Variants in STAU1 observed in about 807,000 individuals in gnomAD.
STAU1 encodes the protein staufen double-stranded RNA binding protein 1, also known as double-stranded RNA-binding protein Staufen homolog 1.
A neutral mutation model predicts 62.9 loss-of-function variants in STAU1; 13 were observed. The observed-to-expected ratio is 0.21, with a 90% CI of 0.13 to 0.33. STAU1 has a LOEUF of 0.33. Among genes scored for constraint, STAU1 ranks in the 10% least tolerant of loss-of-function variants. The probability of loss-of-function intolerance (pLI) is 1.00; values close to 1 mark genes in which losing one functional copy is unlikely to be tolerated. For synonymous variants in STAU1, 269 were observed against 265.1 expected, an observed-to-expected ratio of 1.01 and a Z score of -0.14; for missense variants, 571 against 712.1, an observed-to-expected ratio of 0.80 and a Z score of 2.25.
chr20:49,217,678 T>TAC, the STAU1 span, among the ~76,000 whole-genome samples: 1 of 143,388 alleles, frequency 7.0e-6, no homozygotes, highest in Admixed American at 7.1e-5. Context: ...CCTTTTAAAA[T>TAC]ATATATATAT....
the STAU1 span, among the ~76,000 whole-genome samples, chr20:49,196,879 G>C: frequency 1.3e-5 from 2 of 149,244 alleles, no homozygotes; most frequent in Admixed American, 6.7e-5. Context: ...TCAATGGTTC[G>C]GACGTGGTGG....
intron 8 of STAU1, among the ~76,000 whole-genome samples, chr20:49,121,244 T>C (rs1406213110): frequency 6.6e-6 from 1 of 151,962 alleles, no homozygotes; most frequent in East Asian, 1.9e-4. Flanking sequence ...CCATCTCTAC[T>C]AAAAATACAA....
At chr20:49,140,878 C>A (rs2092991536) in intron 5 of STAU1, among the ~76,000 whole-genome samples, 2 of 151,792 alleles carry the variant, frequency 1.3e-5, no homozygotes, top group Admixed American at 1.3e-4. Context: ...AACACAGTAA[C>A]TTGTGCTAAC....
chr20:49,205,849 T>G, the STAU1 span, among the ~76,000 whole-genome samples: 2 of 150,534 alleles, frequency 1.3e-5, no homozygotes, highest in African/African-American at 4.9e-5. Context: ...TAATTTTGTA[T>G]TTTTAGTAGA....
intron 3 of STAU1, among the ~76,000 whole-genome samples, chr20:49,161,926 G>A (rs1194183612): frequency 2.0e-5 from 3 of 152,116 alleles, no homozygotes; most frequent in African/African-American, 7.2e-5. Context: ...GTGAAGTCAG[G>A]GGAGTAACTA....
At chr20:49,156,536 CA>C (rs1275771926) in intron 3 of STAU1, among the ~76,000 whole-genome samples, 2 of 152,172 alleles carry the variant, frequency 1.3e-5, no homozygotes, top group African/African-American at 4.8e-5. Flanking sequence ...CCTTCGCTAC[CA>C]AAAGGGCTGA....
the STAU1 span, among the ~76,000 whole-genome samples, chr20:49,194,234 A>T: frequency 6.6e-6 from 1 of 152,016 alleles, no homozygotes; most frequent in Non-Finnish European, 1.5e-5. Flanking sequence ...TTGAGAGACC[A>T]GCCTGAGAAA....
the STAU1 span, among the ~76,000 whole-genome samples, chr20:49,218,060 A>G: frequency 3.3e-5 from 5 of 150,146 alleles, no homozygotes; most frequent in Non-Finnish European, 7.4e-5. Context: ...TTTTTAGTGC[A>G]GACGGAGTTT....
the STAU1 span, among the ~76,000 whole-genome samples, chr20:49,214,627 T>C: frequency 6.6e-6 from 1 of 152,114 alleles, no homozygotes; most frequent in African/African-American, 2.4e-5. Flanking sequence ...CCTCTTACTG[T>C]ATAGAAGGTA....
At chr20:49,205,787 G>A in the STAU1 span, among the ~76,000 whole-genome samples, 1 of 149,152 alleles carries the variant, frequency 6.7e-6, no homozygotes, top group South Asian at 2.1e-4. Flanking sequence ...CGATTCTCCT[G>A]CCTCAGCCTC....
the STAU1 span, among the ~76,000 whole-genome samples, chr20:49,214,204 T>C: frequency 6.7e-6 from 1 of 149,176 alleles, no homozygotes; most frequent in African/African-American, 2.5e-5. Flanking sequence ...AGAGCTAGAC[T>C]CTATCACAAA....
At chr20:49,152,059 A>G (rs1452122153) in intron 4 of STAU1, among the ~76,000 whole-genome samples, 1 of 152,220 alleles carries the variant, frequency 6.6e-6, no homozygotes, top group Non-Finnish European at 1.5e-5. Context: ...TGGCTGAGAC[A>G]AAAACTTGGC....
chr20:49,166,009 T>C lies in STAU1; in HGVS notation c.193A>G (p.Ser65Gly), dbSNP rs1336289815. Residue 65 changes from serine (S) to glycine (G), a missense_variant, in exon 3 of 14, where the codon AGT becomes GGT. Ser to Gly is a moderately conservative substitution (Grantham distance 56). Transcript: ENST00000371856. ...TTCATATGCTTACCTGCAGCTGCAC[T>C]GGTGGATGTAATAGATGCAGAGGGT... The part of the protein sequence containing the change: ...ALPSASITST[S>G]AAAESITPTV... 1 of 1,614,138 alleles carries C rather than the reference T, an allele frequency of 6.2e-7. No individual in the cohort carries two copies. Among genetic ancestry groups the C allele is most frequent in the Admixed American group, 1.7e-5 (1 of 60,026 alleles).
chr20:49,145,455 A>G (rs1427936454), intron 5 of STAU1, among the ~76,000 whole-genome samples: 1 of 97,632 alleles, frequency 1.0e-5, no homozygotes, highest in Non-Finnish European at 2.0e-5. Context: ...AAAAAAGACC[A>G]AGCGTGGTGG....
chr20:49,208,636 T>C, the STAU1 span, among the ~76,000 whole-genome samples: 2 of 151,708 alleles, frequency 1.3e-5, no homozygotes, highest in Non-Finnish European at 2.9e-5. Context: ...TTTTTTTTTT[T>C]TGAGACAGAG....
chr20:49,124,742 T>C, intron 6 of STAU1, 155 bp from the exon 7 acceptor site: 1 of 734,964 alleles, frequency 1.4e-6, no homozygotes, highest in Non-Finnish European at 2.2e-6. Flanking sequence ...AAATGCTTTC[T>C]CGCCTTTCTT....
chr20:49,170,562 A>C (rs1162997619), intron 2 of STAU1, among the ~76,000 whole-genome samples: 1 of 152,138 alleles, frequency 6.6e-6, no homozygotes, highest in Non-Finnish European at 1.5e-5. Context: ...CATGTTGGTC[A>C]GGCTGGTCTT....
At chr20:49,116,012 G>C in intron 12 of STAU1, 145 bp from the exon 13 acceptor site, 1 of 578,386 alleles carries the variant, frequency 1.7e-6, no homozygotes, top group Non-Finnish European at 3.1e-6. Flanking sequence ...ATAAAACTTT[G>C]AATTTTTAAT....
At position 49,142,769 on chromosome 20, in the gene STAU1, AC is replaced by A. The variant is rs148745794; in HGVS notation, c.511-6839del. Among the ~76,000 whole-genome samples the A allele has an allele frequency of 3.7e-3, 570 of 152,342 alleles. 3 individuals are homozygous for A. Among genetic ancestry groups the A allele is most frequent in the African/African-American group, 0.013 (538 of 41,576 alleles). ...GCCAGTAAAATAAAAATGCAAAAAA[AC>A]ATATTTGAAAATGAAATTATTTTGC... On this transcript the variant is annotated intron_variant, in intron 5 of 13. Coordinates refer to ENST00000371856, the MANE Select transcript of STAU1 (RefSeq NM_017453.4).
Sources: gnomAD v4.1 joint callset for allele counts (sites outside exome capture counted in the v4.1 genomes callset) on GRCh38, gnomAD v4.1.1 for gene constraint, MANE v1.5 for transcripts, NCBI Gene and HGNC (gene_info 2026-07-23, HGNC 2026-07-21) for gene names.